Variants in DNTTIP1 observed in about 807,000 individuals in gnomAD.
The protein encoded by DNTTIP1 is deoxynucleotidyltransferase terminal interacting protein 1, also known as deoxynucleotidyltransferase terminal-interacting protein 1.
DNTTIP1 carries 22 observed loss-of-function variants against 52.9 expected under a neutral mutation model. The ratio of observed to expected loss-of-function variants is 0.42; its 90% CI spans 0.30 to 0.59. The LOEUF is 0.59. Among genes scored for constraint, DNTTIP1 ranks in the 20% least tolerant of loss-of-function variants. DNTTIP1 has a pLI of 0.22. For synonymous variants in DNTTIP1, 136 were observed against 155.1 expected (o/e 0.88, Z 0.92); for missense variants, 286 against 435.5 (o/e 0.66, Z 3.06).
intron 10 of DNTTIP1, among the ~76,000 whole-genome samples, chr20:45,807,535 A>G (rs1446729566): frequency 2.6e-5 from 4 of 152,200 alleles, no homozygotes; most frequent in Admixed American, 6.5e-5. Context: ...TCTCTCCTTC[A>G]GAAGGCATTA....
intron 3 of DNTTIP1, among the ~76,000 whole-genome samples, chr20:45,794,417 G>T (rs1302088134): frequency 6.6e-6 from 1 of 152,046 alleles, no homozygotes; most frequent in African/African-American, 2.4e-5. Context: ...AAAGTGCTGG[G>T]ATTATAGGTG....
chr20:45,798,590 G>A (rs1981322837), intron 4 of DNTTIP1, among the ~76,000 whole-genome samples: 1 of 151,842 alleles, frequency 6.6e-6, no homozygotes, highest in Non-Finnish European at 1.5e-5. Context: ...CTATACTCTG[G>A]CTGTTCTGAA....
intron 1 of DNTTIP1, chr20:45,792,459 G>T: frequency 2.0e-6 from 1 of 496,082 alleles, no homozygotes; most frequent in Non-Finnish European, 3.6e-6. Context: ...TCCTCCTGCC[G>T]TGCCAGAAGG....
rs201888261 is a variant in DNTTIP1 at position 45,801,985 on chromosome 20, G to C, written c.499-14G>C. 6.2e-7 allele frequency: 1 copy of C among 1,614,152 alleles called. No homozygotes were observed. ...CCACAGGGTCAGACCTCTGACAGCT[G>C]TTTTTTGTGGCAGAGGAAAGGACGG... On this transcript the variant is annotated splice_polypyrimidine_tract_variant and intron_variant, in intron 6 of 12. Coordinates refer to ENST00000372622, the MANE Select transcript of DNTTIP1 (RefSeq NM_052951.3).
At chr20:45,793,718 A>C (rs1161217548) in intron 2 of DNTTIP1, among the ~76,000 whole-genome samples, 1 of 152,218 alleles carries the variant, frequency 6.6e-6, no homozygotes, top group Non-Finnish European at 1.5e-5. Context: ...AAACTTTGAA[A>C]ATAATATGCA....
Position 45,794,035 on chromosome 20 carries a change from T to G in DNTTIP1, c.273+18T>G, listed in dbSNP as rs1981144033. 1.3e-6 allele frequency: 2 copies of G among 1,532,834 alleles called. No individual in the cohort carries two copies. Among genetic ancestry groups the G allele is most frequent in the Non-Finnish European group, 1.8e-6 (2 of 1,124,602 alleles). The allele number at this position is 1,532,834 out of a possible 1,614,324, so 95.0% of individuals were successfully genotyped here. ...ACATGAAGGTGAGAGGGACACAGGA[T>G]AAAAAATAACAGGAGAAAGACTCAT... On this transcript the variant is annotated intron_variant, in intron 3 of 12. Transcript: ENST00000372622.
intron 7 of DNTTIP1, 74 bp downstream of exon 7, chr20:45,802,131 C>T: frequency 1.3e-6 from 2 of 1,510,642 alleles, no homozygotes; most frequent in East Asian, 2.3e-5. Context: ...GAAAAGAGTC[C>T]AGGGTTCTGT....
chr20:45,803,059 T>C (rs185502178), intron 7 of DNTTIP1: 1 of 429,152 alleles, frequency 2.3e-6, no homozygotes. Flanking sequence ...GGTAGGGCAG[T>C]TGCTGTTTTT....
intron 6 of DNTTIP1, 56 bp from the exon 7 acceptor site, chr20:45,801,943 T>G: frequency 3.2e-6 from 5 of 1,550,024 alleles, no homozygotes; most frequent in Non-Finnish European, 4.5e-6. Context: ...GACCTGCCAA[T>G]GGGGTATGGG....
At chr20:45,800,622 T>C (rs1981396645) in intron 4 of DNTTIP1, among the ~76,000 whole-genome samples, 1 of 139,722 alleles carries the variant, frequency 7.2e-6, no homozygotes, top group Admixed American at 7.1e-5. Context: ...TGCAGTGAGC[T>C]GAGATAGCAC....
chr20:45,800,692 AAAATATATAT>A (rs1981416432), intron 4 of DNTTIP1, among the ~76,000 whole-genome samples: 1 of 32,650 alleles, frequency 3.1e-5, no homozygotes, highest in African/African-American at 1.1e-4. Flanking sequence ...AAAAAAAAAA[AAAATATATAT>A]ATATATATAT....
chr20:45,804,438 A>G (rs1429818592), intron 8 of DNTTIP1, among the ~76,000 whole-genome samples: 1 of 137,980 alleles, frequency 7.2e-6, no homozygotes, highest in Non-Finnish European at 1.6e-5. Context: ...CCCTGCCTGT[A>G]GTCTTGCCCC....
chr20:45,792,077 G>A lies in DNTTIP1; in HGVS notation c.73G>A (p.Asp25Asn), dbSNP rs1468707327. ...GAERGGLELG[D>N]AGAAGQLVLT... ...CGAGAGGGGCGGCTTGGAGCTGGGG[G>A]ATGCGGGCGCAGCGGGGCAGCTGGT... Residue 25 changes from aspartate to asparagine, a missense_variant, in exon 1 of 13, where the codon GAT (aspartate) becomes AAT (asparagine). Coordinates refer to ENST00000372622, the MANE Select transcript of DNTTIP1 (RefSeq NM_052951.3). 3 of 1,286,902 alleles carry A rather than the reference G, an allele frequency of 2.3e-6. No homozygotes were observed. The highest frequency in any genetic ancestry group is 3.0e-6 in the Non-Finnish European group (3 of 1,015,984). 79.7% of individuals were successfully genotyped at this position (1,286,902 alleles called of 1,614,324 possible). A position where few individuals can be genotyped will look rare whatever the true frequency, so the allele number is the denominator to read the frequency against.
intron 10 of DNTTIP1, among the ~76,000 whole-genome samples, chr20:45,808,153 C>T (rs939258396): frequency 4.6e-5 from 7 of 152,098 alleles, no homozygotes; most frequent in African/African-American, 7.2e-5. Flanking sequence ...CAAAACCAGC[C>T]TGGCCAACAT....
chr20:45,800,696 T>A (rs1449264453), intron 4 of DNTTIP1, among the ~76,000 whole-genome samples: 1,265 of 3,938 alleles, frequency 0.32, 82 homozygotes, highest in East Asian at 0.47. Context: ...AAAAAAAAAA[T>A]ATATATATAT....
intron 3 of DNTTIP1, among the ~76,000 whole-genome samples, chr20:45,794,730 C>G (rs1981174975): frequency 6.7e-6 from 1 of 149,572 alleles, no homozygotes; most frequent in South Asian, 2.1e-4. Flanking sequence ...GGCAGGATCA[C>G]TTGAGGCCAG....
At position 45,794,009 on chromosome 20, in the gene DNTTIP1, T is replaced by C; in HGVS notation, c.265T>C (p.Tyr89His). 1 of 1,589,318 alleles carries C rather than the reference T, an allele frequency of 6.3e-7. No individual in the cohort carries two copies. The highest frequency in any genetic ancestry group is 8.6e-7 in the Non-Finnish European group (1 of 1,166,428). Residue 89 changes from tyrosine (Y) to histidine (H), a missense_variant, in exon 3 of 13, where the codon TAC (tyrosine) becomes CAC (histidine). By Grantham distance (83) the Tyr-to-His change is moderately conservative. Coordinates refer to ENST00000372622, the MANE Select transcript of DNTTIP1 (RefSeq NM_052951.3). ...NEEIQTVFNK[Y>H]MKFFQKAALN... ...GGAGATCCAGACTGTCTTCAACAAG[T>C]ACATGAAGGTGAGAGGGACACAGGA...
intron 10 of DNTTIP1, among the ~76,000 whole-genome samples, chr20:45,806,926 T>C (rs1213284817): frequency 6.6e-6 from 1 of 152,208 alleles, no homozygotes; most frequent in African/African-American, 2.4e-5. Context: ...TTGGACCTAC[T>C]TTGAATTCCC....
rs149408847 is a variant in DNTTIP1, at chr20:45,802,719, T to C, written c.558-614T>C. On this transcript the variant is annotated intron_variant, in intron 7 of 12. Coordinates refer to ENST00000372622, the MANE Select transcript of DNTTIP1 (RefSeq NM_052951.3). ...GGTATTGTACATGAACTTAGACAAA[T>C]GCATAGTGACAGGCATCCACCATTC... is the stretch of plus-strand genomic sequence containing the variant. 2.0e-5 allele frequency among the ~76,000 whole-genome samples: 3 copies of C among 152,228 alleles called. No individual in the cohort carries two copies. In the East Asian group the frequency reaches 5.8e-4, roughly 29 times the overall value.
Sources: gnomAD v4.1 joint callset for allele counts (sites outside exome capture counted in the v4.1 genomes callset) on GRCh38, gnomAD v4.1.1 for gene constraint, MANE v1.5 for transcripts, NCBI Gene and HGNC (gene_info 2026-07-23, HGNC 2026-07-21) for gene names.